LHFPL1: variants seen among roughly 807,000 people sequenced by gnomAD.
The protein encoded by LHFPL1 is LHFPL tetraspan subfamily member 1, also known as LHFPL tetraspan subfamily member 1 protein.
A neutral mutation model predicts 12.1 loss-of-function variants in LHFPL1; 4 were observed. The observed-to-expected ratio is 0.33, with a 90% confidence interval of 0.16 to 0.76. The LOEUF is 0.76. LHFPL1 is among the 30% of genes least tolerant of loss of function. The probability of loss-of-function intolerance (pLI) is 0.61; values close to 1 mark genes in which losing one functional copy is unlikely to be tolerated. For missense variants in LHFPL1, 141 were observed against 174.1 expected (o/e 0.81, Z 1.07); for synonymous variants, 52 against 61.9 (o/e 0.84, Z 0.75).
At chrX:112,649,712 A>G (rs1380536609) in intron 3 of LHFPL1, among the ~76,000 whole-genome samples, 1 of 111,939 alleles carries the variant, frequency 8.9e-6, no homozygotes, top group African/African-American at 3.2e-5. Context: ...TACCTTTTTC[A>G]TCTAGCATCC....
chrX:112,658,431 CAAAAAAAA>C (rs1160376369), intron 3 of LHFPL1, among the ~76,000 whole-genome samples: 2 of 40,224 alleles, frequency 5.0e-5, no homozygotes, highest in Non-Finnish European at 9.9e-5. Context: ...TCTCAAAAAA[CAAAAAAAA>C]AAAAGAAAAA....
chrX:112,653,844 T>C (rs1253214692), intron 3 of LHFPL1, among the ~76,000 whole-genome samples: 3 of 112,777 alleles, frequency 2.7e-5, no homozygotes, highest in African/African-American at 9.7e-5. Context: ...CACTGTTACC[T>C]TTTAAAGTTG....
At chrX:112,673,718 A>G (rs1482648455) in intron 1 of LHFPL1, among the ~76,000 whole-genome samples, 1 of 111,990 alleles carries the variant, frequency 8.9e-6, no homozygotes, top group Non-Finnish European at 1.9e-5. Flanking sequence ...CCAAGGGTAC[A>G]CAGTGATTCA....
intron 3 of LHFPL1, among the ~76,000 whole-genome samples, chrX:112,637,467 G>A (rs1425439646): frequency 9.0e-6 from 1 of 111,687 alleles, no homozygotes; most frequent in African/African-American, 3.3e-5. Context: ...TAGCATTGCT[G>A]TGGGCATCAA....
Position 112,671,464 on chromosome X carries a change from G to A in LHFPL1, c.-14-60C>T, listed in dbSNP as rs1363190785. On this transcript the variant is annotated intron_variant, in intron 1 of 3. Coordinates refer to ENST00000371968, the MANE Select transcript of LHFPL1 (RefSeq NM_178175.4). ...CCAAATGCAGTAAGTTACCATGTAG[G>A]CTCCACTGGCCTATTTTTCATCTGG... The A allele has an allele frequency of 5.8e-6, 7 of 1,201,033 alleles. No individual in the cohort carries two copies. The East Asian group carries it at 1.8e-4, about 31-fold the overall frequency.
At chrX:112,635,713 C>T (rs1431548440) in intron 3 of LHFPL1, among the ~76,000 whole-genome samples, 2 of 111,777 alleles carry the variant, frequency 1.8e-5, no homozygotes, top group African/African-American at 6.5e-5. Context: ...TCAGGTAAGC[C>T]TTTGTAGATG....
intron 1 of LHFPL1, among the ~76,000 whole-genome samples, chrX:112,679,053 C>T (rs1479572036): frequency 9.0e-6 from 1 of 111,036 alleles, no homozygotes; most frequent in Non-Finnish European, 1.9e-5. Flanking sequence ...CAGAAAAGAC[C>T]CTATTCTCTC....
rs1461723812 is a variant in LHFPL1 at position 112,658,083 on chromosome X, A to G, written c.481+2544T>C. On this transcript the variant is annotated intron_variant, in intron 3 of 3. Coordinates refer to ENST00000371968, the MANE Select transcript of LHFPL1 (RefSeq NM_178175.4). ...TATCCAGAACACATAAAACAATCTT[A>G]CAGCTCAACAACAACGAGGACAACA... 1.1e-4 allele frequency among the ~76,000 whole-genome samples: 12 copies of G among 111,414 alleles called. No individual in the cohort carries two copies. In the South Asian group the frequency reaches 1.5e-3, roughly 14 times the overall value.
chrX:112,665,283 C>T (rs1309281896), intron 2 of LHFPL1, among the ~76,000 whole-genome samples: 1 of 109,889 alleles, frequency 9.1e-6, no homozygotes, highest in Non-Finnish European at 1.9e-5. Flanking sequence ...CTCCGCCTCC[C>T]AGGTTCAAGC....
intron 3 of LHFPL1, among the ~76,000 whole-genome samples, chrX:112,632,955 T>A (rs1370895997): frequency 8.9e-6 from 1 of 111,892 alleles, no homozygotes; most frequent in Non-Finnish European, 1.9e-5. Flanking sequence ...CAGAACACTA[T>A]CCAGAACTTG....
chrX:112,649,537 T>A (rs1930791406), intron 3 of LHFPL1, among the ~76,000 whole-genome samples: 1 of 112,021 alleles, frequency 8.9e-6, no homozygotes, highest in Non-Finnish European at 1.9e-5. Context: ...CTTGCCTTCC[T>A]CTTTTGGGAT....
chrX:112,668,340 A>G (rs746439501), intron 2 of LHFPL1, among the ~76,000 whole-genome samples: 1 of 112,105 alleles, frequency 8.9e-6, no homozygotes, highest in African/African-American at 3.2e-5. Flanking sequence ...TTCACATCTG[A>G]TATAACCTGG....
chrX:112,648,062 A>G (rs1238530788), intron 3 of LHFPL1, among the ~76,000 whole-genome samples: 1 of 109,712 alleles, frequency 9.1e-6, no homozygotes, highest in Non-Finnish European at 1.9e-5. Context: ...TTTTCAGCCA[A>G]TTAACAGAGG....
chrX:112,662,419 C>G (rs1931217100), intron 2 of LHFPL1, among the ~76,000 whole-genome samples: 1 of 112,180 alleles, frequency 8.9e-6, no homozygotes, highest in African/African-American at 3.2e-5. Context: ...ACTCATATTG[C>G]CTTCAGATGA....
At chrX:112,671,601 C>G in intron 1 of LHFPL1, 197 bp from the exon 2 acceptor site, 1 of 900,537 alleles carries the variant, frequency 1.1e-6, no homozygotes, top group Non-Finnish European at 1.5e-6. Context: ...AGTACTTTTC[C>G]CACCTTCCCT....
At chrX:112,673,642 G>A (rs1415900251) in intron 1 of LHFPL1, among the ~76,000 whole-genome samples, 1 of 111,620 alleles carries the variant, frequency 9.0e-6, no homozygotes, top group Non-Finnish European at 1.9e-5. Flanking sequence ...TCTTAGGTTA[G>A]TAAGAAAGAT....
intron 3 of LHFPL1, among the ~76,000 whole-genome samples, chrX:112,648,198 T>C (rs889583274): frequency 9.1e-6 from 1 of 109,908 alleles, no homozygotes; most frequent in African/African-American, 3.3e-5. Flanking sequence ...AGGGGAGGGA[T>C]AGCATTAGGA....
chrX:112,642,753 C>A (rs1375126169), intron 3 of LHFPL1, among the ~76,000 whole-genome samples: 9 of 110,665 alleles, frequency 8.1e-5, no homozygotes, highest in Non-Finnish European at 1.7e-4. Context: ...GCACCTCATT[C>A]TCATGCAGAC....
chrX:112,652,350 T>C (rs1930878315), intron 3 of LHFPL1, among the ~76,000 whole-genome samples: 1 of 112,057 alleles, frequency 8.9e-6, no homozygotes, highest in Admixed American at 9.5e-5. Flanking sequence ...GCAAGTCCTT[T>C]TCCAGGCCTC....
Sources: allele counts gnomAD v4.1 joint callset (sites outside exome capture counted in the v4.1 genomes callset), GRCh38; gene constraint gnomAD v4.1.1; transcripts MANE v1.5; gene names NCBI Gene and HGNC (gene_info 2026-07-23, HGNC 2026-07-21).